CAST: variants seen among roughly 807,000 people sequenced by gnomAD.
CAST encodes the protein MIR583 host.
In CAST, 76 loss-of-function variants were observed where a neutral mutation model predicts 119.6. The observed-to-expected ratio is 0.64, with a 90% CI of 0.53 to 0.77. The LOEUF (loss-of-function observed/expected upper bound fraction) is 0.77. Among genes scored for constraint, CAST ranks in the 30% least tolerant of loss-of-function variants. The pLI, the probability that CAST is intolerant of heterozygous loss-of-function variation, is 0.00. For synonymous variants in CAST, 319 were observed against 331.6 expected (o/e 0.96, Z 0.41); for missense variants, 953 against 946.5 (o/e 1.01, Z -0.09).
the CAST span, among the ~76,000 whole-genome samples, chr5:96,211,726 A>G: frequency 7.2e-5 from 11 of 152,038 alleles, no homozygotes; most frequent in Non-Finnish European, 1.2e-4. Flanking sequence ...TTCTTCTGTA[A>G]ACATTGGGAA....
At chr5:96,375,067 A>C in the CAST span, among the ~76,000 whole-genome samples, 12 of 152,342 alleles carry the variant, frequency 7.9e-5, no homozygotes, top group African/African-American at 2.9e-4. Flanking sequence ...CAAATTAGTT[A>C]GAAATCATCC....
intron 1 of CAST, among the ~76,000 whole-genome samples, chr5:96,561,708 C>T (rs1746365042): frequency 7.2e-6 from 1 of 139,654 alleles, no homozygotes; most frequent in Admixed American, 7.3e-5. Flanking sequence ...ACTTAAAGTA[C>T]AATAAAAAAA....
chr5:96,430,800 T>C, the CAST span, among the ~76,000 whole-genome samples: 1 of 152,226 alleles, frequency 6.6e-6, no homozygotes, highest in Non-Finnish European at 1.5e-5. Flanking sequence ...GTAAATCATA[T>C]ATAAATATAG....
At chr5:96,584,929 T>A (rs894099563) in intron 1 of CAST, 1 of 152,184 alleles carries the variant, frequency 6.6e-6, no homozygotes, top group Non-Finnish European at 1.5e-5. Context: ...ACTTCCCTTT[T>A]CTCGAGTTTC....
the CAST span, chr5:96,410,708 G>T: frequency 7.9e-7 from 1 of 1,272,048 alleles, no homozygotes; most frequent in Non-Finnish European, 1.2e-6. Flanking sequence ...TCAGTTAGGG[G>T]AATCATTTCA....
the CAST span, among the ~76,000 whole-genome samples, chr5:96,179,961 G>A: frequency 0.031 from 4,736 of 152,002 alleles, 252 homozygotes; most frequent in African/African-American, 0.11. Context: ...GCAGGAACCC[G>A]GGAGGTGGAG....
chr5:96,647,171 C>T (rs552013800), intron 1 of CAST, among the ~76,000 whole-genome samples: 21 of 152,254 alleles, frequency 1.4e-4, no homozygotes, highest in African/African-American at 4.3e-4. Context: ...AACAAAAACC[C>T]CAACTCTCCC....
chr5:96,008,135 C>A, the CAST span, among the ~76,000 whole-genome samples: 4 of 152,174 alleles, frequency 2.6e-5, no homozygotes, highest in Non-Finnish European at 5.9e-5. Flanking sequence ...GTTTAAGTCA[C>A]CCAGTCTATG....
intron 1 of CAST, among the ~76,000 whole-genome samples, chr5:96,606,822 G>A (rs896154212): frequency 1.3e-5 from 2 of 152,260 alleles, no homozygotes; most frequent in Non-Finnish European, 2.9e-5. Flanking sequence ...GGTTCTTAGG[G>A]TGTAGTCCCC....
intron 1 of CAST, among the ~76,000 whole-genome samples, chr5:96,619,515 C>T (rs777999948): frequency 5.3e-5 from 8 of 152,250 alleles, no homozygotes; most frequent in South Asian, 2.1e-4. Flanking sequence ...CAGCAACCTG[C>T]TGGGTCCTCT....
intron 3 of CAST, among the ~76,000 whole-genome samples, chr5:96,705,264 G>A (rs1205438622): frequency 1.3e-5 from 2 of 151,988 alleles, no homozygotes; most frequent in Non-Finnish European, 2.9e-5. Flanking sequence ...ATTGTAGTGA[G>A]CTGTGATTGT....
chr5:96,298,997 T>C, the CAST span, among the ~76,000 whole-genome samples: 1 of 151,870 alleles, frequency 6.6e-6, no homozygotes, highest in Admixed American at 6.6e-5. Flanking sequence ...CCCAGCACTT[T>C]GGGAGGCCGA....
the CAST span, among the ~76,000 whole-genome samples, chr5:96,029,195 C>T: frequency 1.3e-5 from 2 of 151,986 alleles, no homozygotes; most frequent in African/African-American, 4.8e-5. Flanking sequence ...AAACAAAATT[C>T]AAAACGTACA....
At chr5:96,192,324 T>C in the CAST span, among the ~76,000 whole-genome samples, 1 of 152,220 alleles carries the variant, frequency 6.6e-6, no homozygotes, top group Non-Finnish European at 1.5e-5. Context: ...AGAATAATGA[T>C]TGTTAAGCTG....
chr5:96,382,391 G>GA, the CAST span, among the ~76,000 whole-genome samples: 1 of 152,200 alleles, frequency 6.6e-6, no homozygotes, highest in Non-Finnish European at 1.5e-5. Flanking sequence ...AAGAATAAGT[G>GA]AAACCATCCA....
chr5:96,524,236 T>A (rs1745563779), upstream of CAST, among the ~76,000 whole-genome samples: 1 of 151,990 alleles, frequency 6.6e-6, no homozygotes, highest in African/African-American at 2.4e-5. Flanking sequence ...TGTGTTCCCA[T>A]GCCTAATAGA....
the CAST span, chr5:96,399,045 A>G: frequency 3.4e-5 from 55 of 1,597,686 alleles, 1 homozygote; most frequent in South Asian, 5.4e-4. Context: ...CTCTAAATAC[A>G]TTAAAGAATC....
intron 3 of CAST, among the ~76,000 whole-genome samples, chr5:96,705,005 A>AT (rs1561494264): frequency 6.6e-6 from 1 of 152,164 alleles, no homozygotes; most frequent in Non-Finnish European, 1.5e-5. Context: ...ACTACATCCA[A>AT]TTTTTTAAAA....
At chr5:96,259,299 C>T in the CAST span, among the ~76,000 whole-genome samples, 1 of 152,174 alleles carries the variant, frequency 6.6e-6, no homozygotes, top group Admixed American at 6.5e-5. Context: ...CAAAAGAAGA[C>T]AGCAAAGCAC....
Sources: gnomAD v4.1 joint callset for allele counts (sites outside exome capture counted in the v4.1 genomes callset) on GRCh38, gnomAD v4.1.1 for gene constraint, MANE v1.5 for transcripts, NCBI Gene and HGNC (gene_info 2026-07-23, HGNC 2026-07-21) for gene names.